The following KCNK2 variants were observed in gnomAD, a reference collection of about 807,000 sequenced individuals.
KCNK2 encodes the protein potassium two pore domain channel subfamily K member 2.
A neutral mutation model predicts 40.5 loss-of-function variants in KCNK2; 21 were observed. That is an observed-to-expected ratio of 0.52 (90% CI 0.37 to 0.75). The LOEUF is 0.75. Ranked by LOEUF, KCNK2 falls within the 30% of genes least tolerant of loss-of-function variation. The probability of loss-of-function intolerance (pLI) is 0.00; values close to 1 mark genes in which losing one functional copy is unlikely to be tolerated. For missense variants in KCNK2, 399 were observed against 531.6 expected, an observed-to-expected ratio of 0.75 and a Z score of 2.45; for synonymous variants, 191 against 202.2, an observed-to-expected ratio of 0.94 and a Z score of 0.47.
intron 3 of KCNK2, among the ~76,000 whole-genome samples, chr1:215,160,178 T>G (rs1663130087): frequency 6.6e-6 from 1 of 152,204 alleles, no homozygotes; most frequent in Non-Finnish European, 1.5e-5. Flanking sequence ...TTAATTTTCC[T>G]GAATTTGATT....
intron 1 of KCNK2, among the ~76,000 whole-genome samples, chr1:215,007,037 A>ATATATATATGTGTGTG (rs1330420661): frequency 5.0e-4 from 26 of 51,572 alleles, no homozygotes; most frequent in African/African-American, 1.4e-3. Context: ...ATATATATAT[A>ATATATATATGTGTGTG]TGTGTGTGTG....
chr1:215,069,381 A>G (rs1403200474), intron 1 of KCNK2, among the ~76,000 whole-genome samples: 1 of 152,206 alleles, frequency 6.6e-6, no homozygotes, highest in African/African-American at 2.4e-5. Context: ...CTTCTTTTGC[A>G]ACCTGAATTA....
chr1:215,234,734 T>G (rs1666808595), intron 6 of KCNK2, 94 bp from the exon 7 acceptor site: 4 of 1,275,438 alleles, frequency 3.1e-6, no homozygotes, highest in Non-Finnish European at 4.3e-6. Flanking sequence ...CTCTTCTTTT[T>G]AAAATCCCAA....
chr1:215,202,565 C>A (rs1665124099), intron 6 of KCNK2, among the ~76,000 whole-genome samples: 1 of 152,120 alleles, frequency 6.6e-6, no homozygotes, highest in Non-Finnish European at 1.5e-5. Context: ...CTCTATGTAG[C>A]CTCAGTATTA....
intron 5 of KCNK2, among the ~76,000 whole-genome samples, chr1:215,182,496 G>A (rs1293133550): frequency 1.3e-5 from 2 of 152,086 alleles, no homozygotes; most frequent in Non-Finnish European, 2.9e-5. Context: ...ACTCAGTAAC[G>A]ACACATACAG....
intron 1 of KCNK2, among the ~76,000 whole-genome samples, chr1:215,022,129 A>ATCTAACTATCTATCTATCT (rs5780811): frequency 8.1e-6 from 1 of 122,962 alleles, no homozygotes. Context: ...CTATCTATCT[A>ATCTAACTATCTATCTATCT]ATCATCTATC....
chr1:215,177,740 A>ATATCTTTTT (rs71167812), intron 5 of KCNK2, among the ~76,000 whole-genome samples: 1 of 101,600 alleles, frequency 9.8e-6, no homozygotes, highest in Non-Finnish European at 2.0e-5. Flanking sequence ...ATATATATAT[A>ATATCTTTTT]TTTTTTTTTT....
intron 6 of KCNK2, among the ~76,000 whole-genome samples, chr1:215,221,708 T>C (rs1666185687): frequency 6.6e-6 from 1 of 152,072 alleles, no homozygotes; most frequent in South Asian, 2.1e-4. Flanking sequence ...AATCCACATA[T>C]AAGTAGACCC....
At position 215,021,576 on chromosome 1, in the gene KCNK2, C is replaced by T. The variant is rs190359137; in HGVS notation, c.34+15621C>T. Among the ~76,000 whole-genome samples, 667 of 129,778 alleles carry T rather than the reference C, an allele frequency of 5.1e-3. 22 individuals carry two copies. In the East Asian group the frequency reaches 0.093, roughly 18 times the overall value. 85.1% of individuals were successfully genotyped at this position (129,778 alleles called of 152,430 possible). A position where few individuals can be genotyped will look rare whatever the true frequency, so the allele number is the denominator to read the frequency against. On this transcript the variant is annotated intron_variant, in intron 1 of 6. Coordinates refer to the KCNK2 transcript ENST00000391895. Reference sequence around the variant, plus strand: ...TTTTTTTTTTTTTGAGACGGAATCTCGCTCTGTCGCCCAGGCTGGAGTGCA... The same window carrying T: ...TTTTTTTTTTTTTGAGACGGAATCTTGCTCTGTCGCCCAGGCTGGAGTGCA...
At chr1:215,230,777 C>A (rs986276886) in intron 6 of KCNK2, among the ~76,000 whole-genome samples, 1 of 151,646 alleles carries the variant, frequency 6.6e-6, no homozygotes, top group Admixed American at 6.6e-5. Flanking sequence ...ACCTGTCCCA[C>A]CCCATTTCTG....
At chr1:215,139,628 A>T (rs146189641) in intron 3 of KCNK2, among the ~76,000 whole-genome samples, 4,557 of 152,294 alleles carry the variant, frequency 0.03, 94 homozygotes, top group South Asian at 0.059. Context: ...TACTAAAAAT[A>T]CAAAATTAGC....
chr1:215,106,485 C>A, intron 2 of KCNK2, among the ~76,000 whole-genome samples: 1 of 151,622 alleles, frequency 6.6e-6, no homozygotes, highest in Middle Eastern at 3.2e-3. Flanking sequence ...ATATTAGGTC[C>A]AGAGTTTGTT....
chr1:215,083,195 C>T lies in KCNK2; in HGVS notation c.-191C>T, dbSNP rs911254851. ...CCGCGATTTCGTTTCTTCTCACGCT[C>T]CCCCCCCCGCCCCCTCCCGCGTCCA... On this transcript the variant is annotated 5_prime_UTR_variant, in exon 1 of 7. Coordinates refer to ENST00000444842, the MANE Select transcript of KCNK2 (RefSeq NM_001017425.3). 1.6e-4 allele frequency: 35 copies of T among 224,718 alleles called. No homozygotes were observed. The highest frequency in any genetic ancestry group is 4.8e-4 in the Admixed American group (6 of 12,414). 13.9% of individuals were successfully genotyped at this position (224,718 alleles called of 1,614,324 possible). A position where few individuals can be genotyped will look rare whatever the true frequency, so the allele number is the denominator to read the frequency against.
chr1:215,130,853 T>TTTTA (rs151327528), intron 3 of KCNK2, among the ~76,000 whole-genome samples: 21 of 151,494 alleles, frequency 1.4e-4, no homozygotes, highest in South Asian at 2.1e-4. Flanking sequence ...TTTTTTTTAT[T>TTTTA]TTTATTTATT....
At chr1:215,082,629 A>G (rs1223692810), upstream of KCNK2, among the ~76,000 whole-genome samples, 1 of 151,888 alleles carries the variant, frequency 6.6e-6, no homozygotes, top group Non-Finnish European at 1.5e-5. Flanking sequence ...AGCATCTTGC[A>G]GGGGCGACGC....
chr1:215,085,833 G>A (rs1169392053), intron 1 of KCNK2, among the ~76,000 whole-genome samples: 2 of 152,168 alleles, frequency 1.3e-5, no homozygotes, highest in East Asian at 1.9e-4. Context: ...TTTATTTTGA[G>A]TAACAATGTT....
chr1:215,211,117 C>T (rs1257116087), intron 6 of KCNK2, among the ~76,000 whole-genome samples: 1 of 152,084 alleles, frequency 6.6e-6, no homozygotes, highest in African/African-American at 2.4e-5. Flanking sequence ...GATGGCTTCC[C>T]TTTTTCCTCA....
intron 1 of KCNK2, among the ~76,000 whole-genome samples, chr1:215,011,608 T>TCACTTAGAGGAATGCACTTACATTCATCC (rs1444000191): frequency 3.4e-5 from 5 of 149,010 alleles, no homozygotes; most frequent in Middle Eastern, 3.6e-3. Context: ...CTGATTTTTT[T>TCACTTAGAGGAATGCACTTACATTCATCC]TTATTTTTAT....
chr1:215,047,504 T>C (rs1657817898), intron 1 of KCNK2, among the ~76,000 whole-genome samples: 1 of 152,050 alleles, frequency 6.6e-6, no homozygotes, highest in Admixed American at 6.6e-5. Flanking sequence ...TAGATTTCTT[T>C]GATTTTTAAG....
Sources: gnomAD v4.1 joint callset for allele counts (sites outside exome capture counted in the v4.1 genomes callset) on GRCh38, gnomAD v4.1.1 for gene constraint, MANE v1.5 for transcripts, NCBI Gene and HGNC (gene_info 2026-07-23, HGNC 2026-07-21) for gene names.